AGBL1: variants seen among roughly 807,000 people sequenced by gnomAD.
AGBL1 encodes cytosolic carboxypeptidase 4.
Under a neutral mutation model 118.9 loss-of-function variants are expected in AGBL1, and 130 were observed. That is an observed-to-expected ratio of 1.09 (90% CI 0.95 to 1.26). AGBL1 has a LOEUF of 1.26. Ranked by LOEUF, AGBL1 falls within the 50% of genes most tolerant of loss-of-function variation. AGBL1 has a pLI of 0.00. For missense variants in AGBL1, 1,584 were observed against 1,298.1 expected (o/e 1.22, Z -3.38); for synonymous variants, 555 against 478.9 (o/e 1.16, Z -2.08).
chr15:86,337,734 AG>A (rs2080395442), intron 17 of AGBL1, among the ~76,000 whole-genome samples: 1 of 152,170 alleles, frequency 6.6e-6, no homozygotes, highest in Admixed American at 6.5e-5. Flanking sequence ...GGAGAGCATT[AG>A]GGAAAAAGCT....
intron 17 of AGBL1, among the ~76,000 whole-genome samples, chr15:86,390,686 T>TTTTTTTTTTTTTTTTTTTTTTTG (rs2081265060): frequency 6.9e-6 from 1 of 144,762 alleles, no homozygotes; most frequent in Non-Finnish European, 1.5e-5. Context: ...TTTTTTTTTT[T>TTTTTTTTTTTTTTTTTTTTTTTG]GAGACAGAGT....
At chr15:86,384,060 C>T (rs2081148841) in intron 17 of AGBL1, among the ~76,000 whole-genome samples, 1 of 152,100 alleles carries the variant, frequency 6.6e-6, no homozygotes, top group Non-Finnish European at 1.5e-5. Flanking sequence ...TGTCACGGTC[C>T]CCTTCCCATC....
intron 17 of AGBL1, among the ~76,000 whole-genome samples, chr15:86,380,495 C>T (rs1350782927): frequency 6.6e-6 from 1 of 151,016 alleles, no homozygotes; most frequent in East Asian, 2.0e-4. Flanking sequence ...TTGTTCCCTT[C>T]CTTCTTTTCT....
At chr15:86,119,717 A>C (rs1425867944) in intron 1 of AGBL1, among the ~76,000 whole-genome samples, 2 of 151,810 alleles carry the variant, frequency 1.3e-5, no homozygotes, top group African/African-American at 4.8e-5. Flanking sequence ...CTGTATGTGG[A>C]AACTAGTAGA....
chr15:86,785,905 C>G (rs1307884517), intron 22 of AGBL1, among the ~76,000 whole-genome samples: 1 of 152,058 alleles, frequency 6.6e-6, no homozygotes, highest in African/African-American at 2.4e-5. Context: ...AGAGCTGGGA[C>G]TACATCAGAG....
chr15:86,310,598 T>TCAC (rs1413300699), intron 17 of AGBL1, among the ~76,000 whole-genome samples: 1 of 152,102 alleles, frequency 6.6e-6, no homozygotes, highest in Non-Finnish European at 1.5e-5. Flanking sequence ...GTGGACCTGT[T>TCAC]CACTGGATCT....
intron 18 of AGBL1, among the ~76,000 whole-genome samples, chr15:86,476,645 C>A (rs979988681): frequency 5.3e-5 from 8 of 152,124 alleles, no homozygotes; most frequent in Non-Finnish European, 8.8e-5. Flanking sequence ...GAATTTAACA[C>A]CCTACTGTCA....
chr15:86,214,618 C>T (rs528995849), intron 5 of AGBL1, among the ~76,000 whole-genome samples: 44 of 152,256 alleles, frequency 2.9e-4, no homozygotes, highest in African/African-American at 6.0e-4. Flanking sequence ...ATTGCAATCC[C>T]GGTCTGCTCC....
intron 1 of AGBL1, among the ~76,000 whole-genome samples, chr15:86,128,636 G>A (rs187047123): frequency 6.6e-4 from 100 of 152,284 alleles, no homozygotes; most frequent in Non-Finnish European, 7.8e-4. Flanking sequence ...GTGTTTGCGC[G>A]TTATTTTATT....
chr15:86,273,663 A>G (rs1369082963), intron 15 of AGBL1, among the ~76,000 whole-genome samples: 1 of 152,140 alleles, frequency 6.6e-6, no homozygotes, highest in Non-Finnish European at 1.5e-5. Context: ...TATCTCTGGT[A>G]TATTAATTTG....
intron 5 of AGBL1, among the ~76,000 whole-genome samples, chr15:86,185,174 A>G (rs2077611517): frequency 6.6e-6 from 1 of 152,250 alleles, no homozygotes; most frequent in Non-Finnish European, 1.5e-5. Context: ...ATCACTGGCC[A>G]TCAGAGAAAT....
intron 17 of AGBL1, among the ~76,000 whole-genome samples, chr15:86,342,301 T>A (rs1431696794): frequency 2.6e-5 from 4 of 152,196 alleles, no homozygotes. Flanking sequence ...GACTTGTATA[T>A]GTTGGACTAG....
chr15:86,343,509 T>C (rs2080492737), intron 17 of AGBL1, among the ~76,000 whole-genome samples: 1 of 152,116 alleles, frequency 6.6e-6, no homozygotes, highest in African/African-American at 2.4e-5. Flanking sequence ...GATGCCCCAG[T>C]CGGGTTGGAA....
At chr15:86,537,009 TC>T (rs1394833465) in intron 19 of AGBL1, among the ~76,000 whole-genome samples, 7 of 152,182 alleles carry the variant, frequency 4.6e-5, no homozygotes, top group African/African-American at 1.7e-4. Flanking sequence ...GGCTTAAAGT[TC>T]TCATCGCAGA....
chr15:86,746,583 G>C (rs1339699290), intron 22 of AGBL1, among the ~76,000 whole-genome samples: 1 of 152,068 alleles, frequency 6.6e-6, no homozygotes, highest in Non-Finnish European at 1.5e-5. Flanking sequence ...AACCATGTTT[G>C]TCTGATTTAC....
At chr15:86,454,273 C>G (rs773526694) in intron 18 of AGBL1, among the ~76,000 whole-genome samples, 1 of 152,158 alleles carries the variant, frequency 6.6e-6, no homozygotes, top group African/African-American at 2.4e-5. Flanking sequence ...AAAAATGAAG[C>G]TAATTGTTGC....
chr15:86,325,187 AT>A, intron 17 of AGBL1, among the ~76,000 whole-genome samples: 1 of 152,210 alleles, frequency 6.6e-6, no homozygotes, highest in Non-Finnish European at 1.5e-5. Flanking sequence ...ACACGGAGTG[AT>A]TTTTGTAATA....
Position 86,915,302 on chromosome 15 carries a change from C to T in AGBL1, c.*8008C>T, listed in dbSNP as rs1357467929. On this transcript the variant is annotated 3_prime_UTR_variant, in exon 23 of 23. Coordinates refer to ENST00000614907, the MANE Select transcript of AGBL1 (RefSeq NM_001386094.1). ...TCTACTTTCGCAGTTTATAATTTGT[C>T]AGTGACCTCCCATGGTCTTAAGGAT... 13 of 152,202 alleles carry T rather than the reference C, an allele frequency of 8.5e-5. No homozygotes were observed. Among genetic ancestry groups the T allele is most frequent in the African/African-American group, 2.9e-4 (12 of 41,444 alleles). 9.4% of individuals were successfully genotyped at this position (152,202 alleles called of 1,614,324 possible).
intron 6 of AGBL1, among the ~76,000 whole-genome samples, chr15:86,228,764 T>C (rs949055990): frequency 6.6e-6 from 1 of 152,226 alleles, no homozygotes; most frequent in African/African-American, 2.4e-5. Context: ...AATATGTGGG[T>C]GTTGGGAAAA....
Sources: allele counts gnomAD v4.1 joint callset (sites outside exome capture counted in the v4.1 genomes callset), GRCh38; gene constraint gnomAD v4.1.1; transcripts MANE v1.5; gene names NCBI Gene and HGNC (gene_info 2026-07-23, HGNC 2026-07-21).